GSE1: variants seen among roughly 807,000 people sequenced by gnomAD.
GSE1 encodes Gse1 coiled-coil protein.
GSE1 carries 32 observed loss-of-function variants against 112.6 expected under a neutral mutation model. That is an observed-to-expected ratio of 0.28 (90% confidence interval 0.21 to 0.38). GSE1 has a LOEUF of 0.38. GSE1 is among the 10% of genes least tolerant of loss of function. GSE1 has a pLI of 1.00. For missense variants in GSE1, 2,348 were observed against 1,699.2 expected (o/e 1.38, Z -6.71); for synonymous variants, 1,115 against 735.6 (o/e 1.52, Z -8.35).
chr16:85,365,922 T>C (rs1345382922), intron 2 of GSE1, among the ~76,000 whole-genome samples: 1 of 152,214 alleles, frequency 6.6e-6, no homozygotes, highest in Non-Finnish European at 1.5e-5. Flanking sequence ...TCCCCATGTG[T>C]CAAACGGGGA....
chr16:85,383,577 C>T (rs1241742120), intron 2 of GSE1, among the ~76,000 whole-genome samples: 2 of 150,048 alleles, frequency 1.3e-5, no homozygotes, highest in Middle Eastern at 3.2e-3. Context: ...CTCTCTCTGA[C>T]ACTCATACTC....
chr16:85,631,031 C>A (rs904473771), intron 1 of GSE1, among the ~76,000 whole-genome samples: 2 of 152,130 alleles, frequency 1.3e-5, no homozygotes, highest in African/African-American at 4.8e-5. Context: ...TCTTTGCGTT[C>A]CCCGGGGCCC....
intron 1 of GSE1, among the ~76,000 whole-genome samples, chr16:85,352,483 G>A (rs1056419543): frequency 6.6e-6 from 1 of 152,056 alleles, no homozygotes; most frequent in Admixed American, 6.6e-5. Context: ...CCCTGGGAGT[G>A]GGGGATGCTG....
chr16:85,311,667 C>A lies in GSE1; in HGVS notation c.2284-45796C>A, dbSNP rs551340061. ...TGGGCTGTGTACCTGGGCCTGGTGG[C>A]TCTGTCTGTGGCTCTCTTGGGGCCC... is the stretch of plus-strand genomic sequence containing the variant. On this transcript the variant is annotated intron_variant, in intron 1 of 2. Transcript: ENST00000637419. This position sits in a 1 kb window ranked among gnomAD's most constrained non-coding sequence, Gnocchi z 4.2. Among the ~76,000 whole-genome samples, 4 of 152,264 alleles carry A rather than the reference C, an allele frequency of 2.6e-5. No individual in the cohort carries two copies. Among genetic ancestry groups the A allele is most frequent in the Admixed American group, 6.5e-5 (1 of 15,296 alleles).
At chr16:85,203,495 G>A (rs927797293) in intron 1 of GSE1, among the ~76,000 whole-genome samples, 7 of 152,170 alleles carry the variant, frequency 4.6e-5, no homozygotes, top group African/African-American at 1.4e-4. Flanking sequence ...GACCCTGCTC[G>A]CTCTTTCGTG....
At chr16:85,491,489 A>C (rs960408013) in intron 2 of GSE1, among the ~76,000 whole-genome samples, 1 of 152,106 alleles carries the variant, frequency 6.6e-6, no homozygotes, top group Non-Finnish European at 1.5e-5. Context: ...TATGTGCCAG[A>C]TGACTTGGGG....
chr16:85,502,461 A>C (rs4074054), intron 2 of GSE1, among the ~76,000 whole-genome samples: 73,940 of 152,006 alleles, frequency 0.49, 19,057 homozygotes, highest in East Asian at 0.66. Flanking sequence ...CTCAGCAGGG[A>C]GCAGTCTGGT....
chr16:85,418,007 T>C (rs2048742916), intron 2 of GSE1, among the ~76,000 whole-genome samples: 1 of 152,020 alleles, frequency 6.6e-6, no homozygotes, highest in Admixed American at 6.5e-5. Context: ...CCCAGCTAAT[T>C]TTTGTATTTT....
intron 1 of GSE1, among the ~76,000 whole-genome samples, chr16:85,206,914 G>C (rs898332414): frequency 2.6e-5 from 4 of 151,628 alleles, no homozygotes; most frequent in African/African-American, 9.7e-5. Flanking sequence ...CCAGCCCAGA[G>C]GGGTGGGCCA....
Position 85,634,003 on chromosome 16 carries a change from C to A in GSE1, c.97C>A (p.Pro33Thr). The A allele has an allele frequency of 6.2e-7, 1 of 1,612,836 alleles. No individual in the cohort carries two copies. Residue 33 changes from proline (P) to threonine (T), a missense_variant, in exon 2 of 16, where the codon CCG becomes ACG. Transcript: ENST00000253458. ...CACCGTCAACCCCCTCACCCCCTCG[C>A]CGCTCAATGGCGCCCTGGTGCCCAG... Reference protein sequence around the residue: ...TATVNPLTPSPLNGALVPSGS... With the variant: ...TATVNPLTPSTLNGALVPSGS...
At chr16:85,177,488 G>T (rs2074491349) in intron 1 of GSE1, among the ~76,000 whole-genome samples, 1 of 152,192 alleles carries the variant, frequency 6.6e-6, no homozygotes, top group South Asian at 2.1e-4. Context: ...CTTGGGGTCA[G>T]TTGTGGAAGG....
intron 1 of GSE1, among the ~76,000 whole-genome samples, chr16:85,313,709 C>T (rs2045913867): frequency 6.6e-6 from 1 of 152,206 alleles, no homozygotes. Context: ...GAAGGAAGCC[C>T]GCGGAGAGCT....
chr16:85,230,151 G>A (rs186523115), intron 1 of GSE1, among the ~76,000 whole-genome samples: 20 of 152,314 alleles, frequency 1.3e-4, no homozygotes, highest in Admixed American at 3.3e-4. Context: ...CATTTTACAC[G>A]TAGGAAAACT....
chr16:85,615,579 G>A (rs960483666), intron 1 of GSE1, among the ~76,000 whole-genome samples: 2 of 152,154 alleles, frequency 1.3e-5, no homozygotes, highest in African/African-American at 4.8e-5. Flanking sequence ...GGAGCCTCCG[G>A]TGACCTAGGG....
rs1567734115 is a variant in GSE1, at chr16:85,655,818, T to C, written c.890T>C (p.Met297Thr). 6.2e-7 allele frequency: 1 copy of C among 1,602,822 alleles called. No homozygotes were observed. The highest frequency in any genetic ancestry group is 8.5e-7 in the Non-Finnish European group (1 of 1,171,790). ...CTGCCCCCACTGCACCCATCAGCGA[T>C]GCACCTGCACCTCTCTGGGGTCCGC... ...GSLPPLHPSA[M>T]HLHLSGVRYP... Residue 297 changes from methionine to threonine, a missense_variant, in exon 6 of 16, where the codon ATG becomes ACG. Coordinates refer to ENST00000253458, the MANE Select transcript of GSE1 (RefSeq NM_014615.5).
At chr16:85,591,190 C>T (rs1004190294) in intron 1 of GSE1, among the ~76,000 whole-genome samples, 2 of 152,208 alleles carry the variant, frequency 1.3e-5, no homozygotes, top group Non-Finnish European at 2.9e-5. Context: ...TTCATCGGAT[C>T]CAGAGAACAG....
At chr16:85,578,446 C>T (rs2046320727) in intron 1 of GSE1, among the ~76,000 whole-genome samples, 1 of 152,204 alleles carries the variant, frequency 6.6e-6, no homozygotes, top group Non-Finnish European at 1.5e-5. Context: ...AGCTAAGGCT[C>T]AGAGAGCTTC....
At chr16:85,519,613 C>CTTT (rs1281265227) in intron 2 of GSE1, among the ~76,000 whole-genome samples, 1 of 143,910 alleles carries the variant, frequency 6.9e-6, no homozygotes, top group Non-Finnish European at 1.5e-5. Flanking sequence ...ACCATCATCA[C>CTTT]CATCACCACC....
chr16:85,476,725 C>T (rs962106125), intron 2 of GSE1, among the ~76,000 whole-genome samples: 1 of 151,746 alleles, frequency 6.6e-6, no homozygotes, highest in African/African-American at 2.4e-5. Flanking sequence ...CTTCCCACCG[C>T]AGCCTCCCCA....
Sources: allele counts gnomAD v4.1 joint callset (sites outside exome capture counted in the v4.1 genomes callset), GRCh38; gene constraint gnomAD v4.1.1; non-coding constraint Gnocchi (gnomAD v3.1); transcripts MANE v1.5; gene names NCBI Gene and HGNC (gene_info 2026-07-23, HGNC 2026-07-21).